Variants in FOXK1 observed in about 807,000 individuals in gnomAD.
FOXK1 encodes the protein forkhead box protein K1.
In FOXK1, 19 loss-of-function variants were observed where a neutral mutation model predicts 51.9. That is an observed-to-expected ratio of 0.37 (90% CI 0.26 to 0.54). The LOEUF (loss-of-function observed/expected upper bound fraction) is 0.54, where lower values mean the gene tolerates loss of function less well. Among genes scored for constraint, FOXK1 ranks in the 20% least tolerant of loss-of-function variants. The pLI, the probability that FOXK1 is intolerant of heterozygous loss-of-function variation, is 0.87. For missense variants in FOXK1, 870 were observed against 1,032.7 expected (o/e 0.84, Z 2.16); for synonymous variants, 537 against 482.6 (o/e 1.11, Z -1.48).
intron 1 of FOXK1, among the ~76,000 whole-genome samples, chr7:4,697,394 A>C (rs1038445084): frequency 1.3e-5 from 2 of 152,176 alleles, no homozygotes; most frequent in Non-Finnish European, 2.9e-5. Flanking sequence ...TGTGGGCCAG[A>C]CCCTGCCAGC....
intron 2 of FOXK1, 67 bp downstream of exon 2, chr7:4,741,090 G>A (rs772269069): frequency 3.4e-5 from 39 of 1,155,284 alleles, no homozygotes; most frequent in South Asian, 2.8e-4. Flanking sequence ...CGTGCCTGTC[G>A]TACGCAGCAC....
At chr7:4,691,854 C>G (rs1400039667) in intron 1 of FOXK1, among the ~76,000 whole-genome samples, 1 of 152,158 alleles carries the variant, frequency 6.6e-6, no homozygotes, top group African/African-American at 2.4e-5. Context: ...TGAAGCTGTC[C>G]TCTAACCTGT....
Position 4,705,517 on chromosome 7 carries a change from T to TTCTCTCTCTCTCTCTCTCTCTC in FOXK1, c.560+22670_560+22691dup, listed in dbSNP as rs56842360. 2.8e-4 allele frequency among the ~76,000 whole-genome samples: 31 copies of TTCTCTCTCTCTCTCTCTCTCTC among 111,558 alleles called. 2 individuals carry two copies. Among genetic ancestry groups the TTCTCTCTCTCTCTCTCTCTCTC allele is most frequent in the African/African-American group, 8.3e-4 (24 of 28,794 alleles). The allele number at this position is 111,558 out of a possible 152,430, so 73.2% of individuals were successfully genotyped here. A position where few individuals can be genotyped will look rare whatever the true frequency, so the allele number is the denominator to read the frequency against. The stretch of plus-strand genomic sequence containing the variant: ...ATTCTTCTGTGTCATTTCCTTCTCT[T>TTCTCTCTCTCTCTCTCTCTCTC]TCTCTCTCTCTCTCTCTCTCTCTCT... On this transcript the variant is annotated intron_variant, in intron 1 of 8. Coordinates refer to ENST00000328914, the MANE Select transcript of FOXK1 (RefSeq NM_001037165.2).
chr7:4,691,891 C>G (rs574093659), intron 1 of FOXK1, among the ~76,000 whole-genome samples: 30 of 152,258 alleles, frequency 2.0e-4, no homozygotes, highest in African/African-American at 7.2e-4. Context: ...GGGCATGGTT[C>G]TCTTTGGGCA....
At chr7:4,754,995 G>C in intron 3 of FOXK1, 1 of 574,880 alleles carries the variant, frequency 1.7e-6, no homozygotes, top group Non-Finnish European at 3.1e-6. Context: ...ATTTCTGGAA[G>C]AGGTGAGAAA....
chr7:4,706,033 C>CGTATATATATACGTATATATAT lies in FOXK1; in HGVS notation c.560+23167_560+23168insATATATATACGTATATATATGT, dbSNP rs1562373208. Reference sequence around the variant, plus strand: ...ATATACGTATATATACGTGTATATACGTGTATATACGTGTATATATGTATA... The same window carrying CGTATATATATACGTATATATAT: ...ATATACGTATATATACGTGTATATACGTATATATATACGTATATATATGTGTATATACGTGTATATATGTATA... On this transcript the variant is annotated intron_variant, in intron 1 of 8. Transcript: ENST00000328914. Among the ~76,000 whole-genome samples the CGTATATATATACGTATATATAT allele has an allele frequency of 3.3e-5, 3 of 90,668 alleles. No homozygotes were observed. In the African/African-American group the frequency reaches 3.5e-4, roughly 11 times the overall value. The allele number at this position is 90,668 out of a possible 152,430, so 59.5% of individuals were successfully genotyped here. A position where few individuals can be genotyped will look rare whatever the true frequency, so the allele number is the denominator to read the frequency against.
rs1349921889 is a variant in FOXK1, at chr7:4,766,314, C to T, written c.*3850C>T. ...CATGCGCTCTGGGTGAAATGAGACG[C>T]TGGTGTGGGGTCCCCATGTAGAGAC... On this transcript the variant is annotated 3_prime_UTR_variant, in exon 9 of 9. Transcript: ENST00000328914. The surrounding 1 kb of genome is among the most constrained non-coding windows in gnomAD (Gnocchi z 5.5). The T allele has an allele frequency of 6.6e-6, 1 of 152,250 alleles. No individual in the cohort carries two copies. The highest frequency in any genetic ancestry group is 1.5e-5 in the Non-Finnish European group (1 of 68,064). 9.4% of individuals were successfully genotyped at this position (152,250 alleles called of 1,614,324 possible).
chr7:4,687,496 T>C (rs1001245563), intron 1 of FOXK1, among the ~76,000 whole-genome samples: 2 of 151,990 alleles, frequency 1.3e-5, no homozygotes, highest in Admixed American at 1.3e-4. Flanking sequence ...TTTCACCACG[T>C]TGGCCAGGCT....
rs1372513913 is a variant in FOXK1 at position 4,766,556 on chromosome 7, T to G, written c.*4092T>G. The G allele has an allele frequency of 6.6e-6, 1 of 152,274 alleles. No individual in the cohort carries two copies. The highest frequency in any genetic ancestry group is 1.5e-5 in the Non-Finnish European group (1 of 68,088). The allele number at this position is 152,274 out of a possible 1,614,324, so 9.4% of individuals were successfully genotyped here. On this transcript the variant is annotated 3_prime_UTR_variant, in exon 9 of 9. Coordinates refer to ENST00000328914, the MANE Select transcript of FOXK1 (RefSeq NM_001037165.2). This position sits in a 1 kb window ranked among gnomAD's most constrained non-coding sequence, Gnocchi z 5.5. ...CCAAGTGAAAAAGCTGGGAATGAATTTCTGAGTTGCTGAGTGTTCCCTGCT... is the reference window on the plus strand; with the variant it reads ...CCAAGTGAAAAAGCTGGGAATGAATGTCTGAGTTGCTGAGTGTTCCCTGCT...
intron 1 of FOXK1, among the ~76,000 whole-genome samples, chr7:4,693,055 G>C (rs1371175564): frequency 3.3e-5 from 5 of 152,244 alleles, no homozygotes; most frequent in Admixed American, 6.5e-5. Flanking sequence ...ATCCGTAGAT[G>C]TTTTATACTG....
At position 4,747,883 on chromosome 7, in the gene FOXK1, A is replaced by T. The variant is rs1045864256; in HGVS notation, c.747-6576A>T. On this transcript the variant is annotated intron_variant, in intron 2 of 8. Coordinates refer to ENST00000328914, the MANE Select transcript of FOXK1 (RefSeq NM_001037165.2). The surrounding 1 kb of genome is among the most constrained non-coding windows in gnomAD (Gnocchi z 9.2). ...TGTTTTGAAGCAGGGTCTTGTTCTG[A>T]CACCCAGGCCGGAGTGCAGTGGTCC... 1.4e-5 allele frequency among the ~76,000 whole-genome samples: 2 copies of T among 143,390 alleles called. No homozygotes were observed. The highest frequency in any genetic ancestry group is 2.6e-5 in the African/African-American group (1 of 38,152). The allele number at this position is 143,390 out of a possible 152,430, so 94.1% of individuals were successfully genotyped here.
At chr7:4,759,794 G>T in intron 7 of FOXK1, 199 bp downstream of exon 7, 1 of 673,362 alleles carries the variant, frequency 1.5e-6, no homozygotes, top group Admixed American at 3.2e-5. Context: ...GCTTTGGGAG[G>T]CCAAAGCGGG....
rs988089378 is a variant in FOXK1, at chr7:4,759,578, T to C, written c.1679T>C (p.Leu560Pro). 9.1e-6 allele frequency: 14 copies of C among 1,536,966 alleles called. No homozygotes were observed. The African/African-American group carries it at 1.8e-4, about 20-fold the overall frequency. Reference protein sequence around the residue: ...HDAAGAAVLDLGSEARGLEEK... With the variant: ...HDAAGAAVLDPGSEARGLEEK... ...GCGGCGGGCGCAGCCGTGCTGGACC[T>C]GGGCAGCGAGGCCAGAGGTAATGCA... is the stretch of plus-strand genomic sequence containing the variant. Residue 560 changes from leucine (L) to proline (P), a missense_variant, in exon 7 of 9, where the codon CTG becomes CCG. Physicochemically the swap from Leu to Pro is moderately conservative, Grantham distance 98. Transcript: ENST00000328914.
chr7:4,684,752 T>C (rs925329248), intron 1 of FOXK1, among the ~76,000 whole-genome samples: 2 of 152,196 alleles, frequency 1.3e-5, no homozygotes, highest in African/African-American at 4.8e-5. Context: ...GTTTTCAGGT[T>C]TCCTGCCCCT....
intron 1 of FOXK1, among the ~76,000 whole-genome samples, chr7:4,690,462 T>C (rs911798829): frequency 2.6e-5 from 4 of 152,268 alleles, no homozygotes; most frequent in Non-Finnish European, 4.4e-5. Context: ...TAAAAAGCTT[T>C]GTGGGCAAGT....
In FOXK1 at chr7:4,756,898, C is replaced by G. The variant is rs1780860306; in HGVS notation, c.1051-96C>G. 1 of 1,369,178 alleles carries G rather than the reference C, an allele frequency of 7.3e-7. No individual in the cohort carries two copies. The allele number at this position is 1,369,178 out of a possible 1,614,324, so 84.8% of individuals were successfully genotyped here. ...GGGCTCTGCACAGAGGGACGGCCTC[C>G]CCTCACCCTGGTCCCGCATCTGCTG... is the stretch of plus-strand genomic sequence containing the variant. On this transcript the variant is annotated intron_variant, in intron 4 of 8. Coordinates refer to ENST00000328914, the MANE Select transcript of FOXK1 (RefSeq NM_001037165.2). This position sits in a 1 kb window ranked among gnomAD's most constrained non-coding sequence, Gnocchi z 4.1.
At chr7:4,686,522 T>C (rs1386783243) in intron 1 of FOXK1, among the ~76,000 whole-genome samples, 2 of 152,192 alleles carry the variant, frequency 1.3e-5, no homozygotes. Flanking sequence ...TCGCCAGAGC[T>C]CCCAGGCACA....
intron 1 of FOXK1, among the ~76,000 whole-genome samples, chr7:4,698,512 T>C (rs995524902): frequency 2.0e-5 from 3 of 152,180 alleles, no homozygotes; most frequent in Admixed American, 2.0e-4. Flanking sequence ...ACATTAATGA[T>C]GATCCCATAT....
Position 4,762,254 on chromosome 7 carries a change from G to T in FOXK1, c.1992G>T (p.Val664=), listed in dbSNP as rs143086698. Reference sequence around the variant, plus strand: ...CCGCGCCGGTGGTGGTCACCCGGGTGTGCGAGGTGGGGCCCAAGGAGCCAG... The same window carrying T: ...CCGCGCCGGTGGTGGTCACCCGGGTTTGCGAGGTGGGGCCCAAGGAGCCAG... ...SSSAPVVVTR[V]CEVGPKEPAA... Residue 664 remains valine (V), a synonymous_variant, in exon 9 of 9, where the codon GTG becomes GTT. Coordinates refer to ENST00000328914, the MANE Select transcript of FOXK1 (RefSeq NM_001037165.2). This position sits in a 1 kb window ranked among gnomAD's most constrained non-coding sequence, Gnocchi z 5.7. 6.4e-7 allele frequency: 1 copy of T among 1,551,894 alleles called. No individual in the cohort carries two copies. The highest frequency in any genetic ancestry group is 1.4e-5 in the African/African-American group (1 of 73,070).
Sources: gnomAD v4.1 joint callset for allele counts (sites outside exome capture counted in the v4.1 genomes callset) on GRCh38, gnomAD v4.1.1 for gene constraint, Gnocchi (gnomAD v3.1) non-coding constraint, MANE v1.5 for transcripts, NCBI Gene and HGNC (gene_info 2026-07-23, HGNC 2026-07-21) for gene names.